The following VWA8 variants were observed in gnomAD, a reference collection of about 807,000 sequenced individuals.
The protein encoded by VWA8 is von Willebrand factor A domain-containing protein 8.
VWA8 carries 221 observed loss-of-function variants against 241.5 expected under a neutral mutation model. That is an observed-to-expected ratio of 0.91 (90% CI 0.82 to 1.02). The LOEUF is 1.02. VWA8 is among the 50% of genes least tolerant of loss of function. The probability of loss-of-function intolerance (pLI) is 0.00; values close to 1 mark genes in which losing one functional copy is unlikely to be tolerated. For missense variants in VWA8, 2,322 were observed against 2,328.7 expected, an observed-to-expected ratio of 1.00 and a Z score of 0.06; for synonymous variants, 852 against 827.1, an observed-to-expected ratio of 1.03 and a Z score of -0.52.
chr13:41,696,804 C>T (rs960882731), intron 29 of VWA8, among the ~76,000 whole-genome samples: 4 of 152,250 alleles, frequency 2.6e-5, no homozygotes, highest in African/African-American at 9.6e-5. Flanking sequence ...CTATTGGTCA[C>T]TCACTTTCAA....
intron 40 of VWA8, among the ~76,000 whole-genome samples, chr13:41,592,434 A>T (rs1055500856): frequency 1.3e-5 from 2 of 150,818 alleles, no homozygotes; most frequent in African/African-American, 4.9e-5. Context: ...AACCTGCACA[A>T]TGTGCACATG....
At chr13:41,824,139 G>A (rs9562355) in intron 14 of VWA8, among the ~76,000 whole-genome samples, 9,358 of 152,216 alleles carry the variant, frequency 0.061, 362 homozygotes, top group East Asian at 0.12. Context: ...ATCTGTCTTG[G>A]TCTTGGAAAG....
At chr13:41,648,143 G>A (rs1233628217) in intron 37 of VWA8, among the ~76,000 whole-genome samples, 2 of 152,168 alleles carry the variant, frequency 1.3e-5, no homozygotes, top group South Asian at 2.1e-4. Context: ...AATGCCTTTG[G>A]ACGGTGTCGG....
intron 26 of VWA8, among the ~76,000 whole-genome samples, chr13:41,708,187 G>A (rs551530723): frequency 2.0e-5 from 3 of 152,008 alleles, no homozygotes; most frequent in East Asian, 1.9e-4. Context: ...GAAAAACCCC[G>A]TCTCTACCAC....
intron 20 of VWA8, among the ~76,000 whole-genome samples, chr13:41,762,132 A>G (rs1215998863): frequency 6.6e-6 from 1 of 152,086 alleles, no homozygotes; most frequent in Non-Finnish European, 1.5e-5. Context: ...TGCTCATTGG[A>G]GCACTTCAGA....
chr13:41,918,343 GC>G (rs1593868738), intron 2 of VWA8, among the ~76,000 whole-genome samples: 1 of 152,112 alleles, frequency 6.6e-6, no homozygotes, highest in Non-Finnish European at 1.5e-5. Context: ...AAGATATTCA[GC>G]TTTTCTTAAA....
At chr13:41,886,708 TAATC>T (rs1166999689) in intron 7 of VWA8, 69 bp downstream of exon 7, 27 of 1,224,584 alleles carry the variant, frequency 2.2e-5, no homozygotes, top group South Asian at 5.4e-5. Context: ...CTGAATTAAT[TAATC>T]AATCAATCAA....
At chr13:41,584,147 T>C (rs1391309046) in intron 42 of VWA8, among the ~76,000 whole-genome samples, 1 of 152,212 alleles carries the variant, frequency 6.6e-6, no homozygotes, top group African/African-American at 2.4e-5. Flanking sequence ...GGGTTTTACT[T>C]TTCTTTCAAC....
rs1223234714 is a variant in VWA8 at position 41,671,134 on chromosome 13, A to G, written c.4423T>C (p.Ser1475Pro). ...YIPIPRSESL[S>P]PYTTWLSTIS... Reference sequence around the variant, plus strand: ...GTCGACAGCCATGTGGTATACGGCGAGAGAGATTCTGATCTGGAAAAAGGA... The same window carrying G: ...GTCGACAGCCATGTGGTATACGGCGGGAGAGATTCTGATCTGGAAAAAGGA... The change falls in exon 37 of 45, where the codon TCG (serine) becomes CCG (proline). Residue 1475 changes from serine (S) to proline (P), a missense_variant. Transcript: ENST00000379310. 1 of 1,613,802 alleles carries G rather than the reference A, an allele frequency of 6.2e-7. No individual in the cohort carries two copies. Among genetic ancestry groups the G allele is most frequent in the East Asian group, 2.2e-5 (1 of 44,880 alleles).
At chr13:41,785,180 T>C (rs1869128311) in intron 18 of VWA8, among the ~76,000 whole-genome samples, 1 of 152,098 alleles carries the variant, frequency 6.6e-6, no homozygotes, top group Admixed American at 6.6e-5. Flanking sequence ...ACCTTCTATG[T>C]GCCAGATCCC....
intron 24 of VWA8, among the ~76,000 whole-genome samples, chr13:41,725,536 G>A (rs971682774): frequency 6.6e-6 from 1 of 152,166 alleles, no homozygotes; most frequent in Non-Finnish European, 1.5e-5. Context: ...TGTGTATACT[G>A]CAATCACTCC....
At chr13:41,624,381 C>T (rs1349412088) in intron 37 of VWA8, among the ~76,000 whole-genome samples, 1 of 152,032 alleles carries the variant, frequency 6.6e-6, no homozygotes, top group Non-Finnish European at 1.5e-5. Flanking sequence ...AAAAAGAAAA[C>T]TCCAGGCCAA....
chr13:41,943,685 A>G (rs2324844), intron 2 of VWA8, among the ~76,000 whole-genome samples: 51,859 of 152,074 alleles, frequency 0.34, 9,061 homozygotes, highest in East Asian at 0.43. Flanking sequence ...AAAAAGGCAG[A>G]CAACTCAATT....
chr13:41,609,812 GA>G (rs1479476352), intron 39 of VWA8, among the ~76,000 whole-genome samples: 1 of 152,052 alleles, frequency 6.6e-6, no homozygotes, highest in Non-Finnish European at 1.5e-5. Flanking sequence ...TACTTCAACT[GA>G]GACTCTTCTC....
chr13:41,756,748 G>T (rs2045697323), intron 21 of VWA8, among the ~76,000 whole-genome samples: 1 of 151,430 alleles, frequency 6.6e-6, no homozygotes, highest in Admixed American at 6.6e-5. Flanking sequence ...AAGAAAAAAA[G>T]TTTTTTCCTT....
rs867606991 is a variant in VWA8 at position 41,576,861 on chromosome 13, T to C, written c.5272-1023A>G. 1.1e-4 allele frequency among the ~76,000 whole-genome samples: 17 copies of C among 152,394 alleles called. 1 individual carries two copies. Among genetic ancestry groups the C allele is most frequent in the African/African-American group, 4.1e-4 (17 of 41,598 alleles). On this transcript the variant is annotated intron_variant, in intron 42 of 44. Transcript: ENST00000379310. ...ATGGACAGTAATGGCCCCTGGCCCA[T>C]AGCCCATACCCTTCTCTTTTCATAG...
intron 12 of VWA8, among the ~76,000 whole-genome samples, chr13:41,840,483 G>T (rs1427588338): frequency 6.6e-6 from 1 of 151,980 alleles, no homozygotes; most frequent in Non-Finnish European, 1.5e-5. Flanking sequence ...AAAAGTTACA[G>T]GTGGTAGCTC....
intron 2 of VWA8, among the ~76,000 whole-genome samples, chr13:41,930,571 G>A (rs553749154): frequency 8.5e-4 from 130 of 152,202 alleles, no homozygotes; most frequent in African/African-American, 2.9e-3. Flanking sequence ...TCTGAGTGTC[G>A]ACATGACACC....
chr13:41,787,607 TACACACACACACACAC>T lies in VWA8; in HGVS notation c.2064-80_2064-65del. 9.9e-6 allele frequency: 6 copies of T among 603,272 alleles called. No homozygotes were observed. In the South Asian group the frequency reaches 1.1e-4, roughly 11 times the overall value. 37.4% of individuals were successfully genotyped at this position (603,272 alleles called of 1,614,324 possible). ...GTCAAAGCTTTCTGCGATTCTTAAA[TACACACACACACACAC>T]ACACACACACACACTCCTTACTAAT... is the stretch of plus-strand genomic sequence containing the variant. On this transcript the variant is annotated intron_variant, in intron 17 of 44. Transcript: ENST00000379310.
Sources: allele counts gnomAD v4.1 joint callset (sites outside exome capture counted in the v4.1 genomes callset), GRCh38; gene constraint gnomAD v4.1.1; transcripts MANE v1.5; gene names NCBI Gene and HGNC (gene_info 2026-07-23, HGNC 2026-07-21).